The following TACC1 variants were observed in gnomAD, a reference collection of about 807,000 sequenced individuals.
TACC1 encodes the protein transforming acidic coiled-coil-containing protein 1.
In TACC1, 48 loss-of-function variants were observed where a neutral mutation model predicts 84.4. That is an observed-to-expected ratio of 0.57 (90% CI 0.45 to 0.72). TACC1 has a LOEUF of 0.72. Among genes scored for constraint, TACC1 ranks in the 30% least tolerant of loss-of-function variants. TACC1 has a pLI of 0.00. For synonymous variants in TACC1, 372 were observed against 376.3 expected, an observed-to-expected ratio of 0.99 and a Z score of 0.13; for missense variants, 920 against 973.0, an observed-to-expected ratio of 0.95 and a Z score of 0.72.
intron 3 of TACC1, chr8:38,824,098 C>T (rs1827501575): frequency 8.7e-7 from 1 of 1,145,808 alleles, no homozygotes; most frequent in Non-Finnish European, 1.2e-6. Flanking sequence ...CCAGCCATCT[C>T]TCCATAGCAT....
At chr8:38,803,682 T>G (rs942065661) in intron 2 of TACC1, among the ~76,000 whole-genome samples, 4 of 152,198 alleles carry the variant, frequency 2.6e-5, no homozygotes, top group African/African-American at 9.6e-5. Flanking sequence ...TGTTGAGGAT[T>G]TTTGCATCTA....
intron 3 of TACC1, chr8:38,823,886 A>G: frequency 1.3e-6 from 1 of 783,562 alleles, no homozygotes; most frequent in South Asian, 1.3e-5. Context: ...AGAATTGTGC[A>G]GCTTTTACAT....
intron 11 of TACC1, among the ~76,000 whole-genome samples, chr8:38,845,387 A>C (rs528226797): frequency 6.6e-6 from 1 of 152,268 alleles, no homozygotes; most frequent in South Asian, 2.1e-4. Flanking sequence ...ATGCCTCTAT[A>C]TATTATACGT....
chr8:38,742,481 CTG>C, intron 2 of TACC1: 1 of 1,486,516 alleles, frequency 6.7e-7, no homozygotes, highest in Non-Finnish European at 9.0e-7. Flanking sequence ...TTGAATATAC[CTG>C]GGATGGATTT....
At chr8:38,743,759 T>C (rs1202604204) in intron 2 of TACC1, among the ~76,000 whole-genome samples, 3 of 152,188 alleles carry the variant, frequency 2.0e-5, no homozygotes, top group Non-Finnish European at 4.4e-5. Flanking sequence ...TAATGGCTCA[T>C]GCCTGTAGTC....
rs149740185 is a variant in TACC1, at chr8:38,811,671, C to T, written c.278-7851C>T. Among the ~76,000 whole-genome samples the T allele has an allele frequency of 1.7e-3, 256 of 152,238 alleles. 1 individual carries two copies. Among genetic ancestry groups the T allele is most frequent in the African/African-American group, 5.9e-3 (247 of 41,550 alleles). ...TTTAATCTCTTAATCCTGTTATCTT[C>T]GTAAGCTGAGGATGTATATCACGTC... On this transcript the variant is annotated intron_variant, in intron 2 of 12. Transcript: ENST00000317827.
At chr8:38,834,621 C>T (rs552451646) in intron 6 of TACC1, among the ~76,000 whole-genome samples, 22 of 152,292 alleles carry the variant, frequency 1.4e-4, no homozygotes, top group African/African-American at 4.6e-4. Context: ...GGAACATGGG[C>T]ACTGCCAGCT....
intron 3 of TACC1, among the ~76,000 whole-genome samples, chr8:38,759,989 T>C (rs1810894157): frequency 1.3e-5 from 2 of 152,106 alleles, no homozygotes; most frequent in African/African-American, 4.8e-5. Flanking sequence ...TCAAGGAAGT[T>C]CTCCTACTGA....
At chr8:38,831,491 AT>A (rs887954272) in intron 6 of TACC1, among the ~76,000 whole-genome samples, 2 of 151,994 alleles carry the variant, frequency 1.3e-5, no homozygotes, top group African/African-American at 4.8e-5. Flanking sequence ...TATCATTATT[AT>A]TGTTGTTATT....
chr8:38,829,223 A>C (rs186543364), intron 5 of TACC1, among the ~76,000 whole-genome samples: 16 of 152,332 alleles, frequency 1.1e-4, no homozygotes, highest in Admixed American at 7.2e-4. Context: ...ATCTGCCATT[A>C]AGCCAGGGAA....
rs549248566 is a variant in TACC1, at chr8:38,842,798, A to G, written c.2121+351A>G. Among the ~76,000 whole-genome samples the G allele has an allele frequency of 2.6e-4, 40 of 152,328 alleles. No homozygotes were observed. In the South Asian group the frequency reaches 7.9e-3, roughly 30 times the overall value. Reference sequence around the variant, plus strand: ...TCTGGTAATTCACCTTTTCAGTTTTAGTAAAAGGGATTAGAAGGAATTCCA... The same window carrying G: ...TCTGGTAATTCACCTTTTCAGTTTTGGTAAAAGGGATTAGAAGGAATTCCA... On this transcript the variant is annotated intron_variant, in intron 10 of 12. Coordinates refer to ENST00000317827, the MANE Select transcript of TACC1 (RefSeq NM_006283.3).
At position 38,819,708 on chromosome 8, in the gene TACC1, A is replaced by G. The variant is rs1563759698; in HGVS notation, c.464A>G (p.Glu155Gly). 1 of 1,614,186 alleles carries G rather than the reference A, an allele frequency of 6.2e-7. No individual in the cohort carries two copies. The highest frequency in any genetic ancestry group is 2.2e-5 in the East Asian group (1 of 44,880). ...KISIVRPFSI[E>G]TKDSTDISAV... ...TCCATCGTGAGGCCATTTTCAATAG[A>G]AACGAAGGATTCCACGGATATCTCG... is the stretch of plus-strand genomic sequence containing the variant. The change falls in exon 3 of 13, where the codon GAA (glutamate) becomes GGA (glycine). Residue 155 changes from glutamate (E) to glycine (G), a missense_variant. This residue lies in a region of TACC1 where 762 missense variants were observed against 747.3 expected (regional missense o/e 1.02). Coordinates refer to ENST00000317827, the MANE Select transcript of TACC1 (RefSeq NM_006283.3).
chr8:38,828,474 CT>C (rs1301186495), intron 5 of TACC1, among the ~76,000 whole-genome samples: 1 of 152,158 alleles, frequency 6.6e-6, no homozygotes, highest in East Asian at 1.9e-4. Context: ...GAAAACTGTA[CT>C]TTTATAGATA....
intron 2 of TACC1, among the ~76,000 whole-genome samples, chr8:38,804,493 G>A (rs949345349): frequency 3.9e-5 from 6 of 152,116 alleles, no homozygotes; most frequent in African/African-American, 1.4e-4. Flanking sequence ...TAGAGATGGG[G>A]TTTTGCCATG....
In TACC1 at chr8:38,848,398, A is replaced by G. The variant is rs917367754; in HGVS notation, c.*375A>G. 1 of 163,884 alleles carries G rather than the reference A, an allele frequency of 6.1e-6. No individual in the cohort carries two copies. Among genetic ancestry groups the G allele is most frequent in the African/African-American group, 2.4e-5 (1 of 41,840 alleles). 10.2% of individuals were successfully genotyped at this position (163,884 alleles called of 1,614,324 possible). Reference sequence around the variant, plus strand: ...TGGGGTCTTCTCCACCACCTGTCTGATTTTTTTGTGATCTGTTTAATCTTT... The same window carrying G: ...TGGGGTCTTCTCCACCACCTGTCTGGTTTTTTTGTGATCTGTTTAATCTTT... On this transcript the variant is annotated 3_prime_UTR_variant, in exon 13 of 13. Transcript: ENST00000317827.
intron 8 of TACC1, chr8:38,839,597 A>G (rs1588128777): frequency 1.8e-5 from 5 of 276,950 alleles, no homozygotes; most frequent in South Asian, 3.4e-4. Flanking sequence ...TATGACGTCA[A>G]AAGTGATGGG....
At chr8:38,846,654 T>A (rs1588173094) in intron 11 of TACC1, 45 bp from the exon 12 acceptor site, 1 of 1,611,100 alleles carries the variant, frequency 6.2e-7, no homozygotes, top group Non-Finnish European at 8.5e-7. Context: ...TAGTGGCTAA[T>A]CATGTGCTTT....
chr8:38,840,519 A>G, intron 9 of TACC1: 1 of 311,974 alleles, frequency 3.2e-6, no homozygotes, highest in South Asian at 6.2e-5. Context: ...TCACCTCCCA[A>G]ATTCCCTTCC....
intron 3 of TACC1, among the ~76,000 whole-genome samples, chr8:38,762,563 G>GT (rs1349678486): frequency 3.4e-4 from 50 of 146,344 alleles, no homozygotes; most frequent in East Asian, 1.8e-3. Flanking sequence ...TTTTTTTTTT[G>GT]TTTTTTTTGG....
Sources: gnomAD v4.1 joint callset for allele counts (sites outside exome capture counted in the v4.1 genomes callset) on GRCh38, gnomAD v4.1.1 for gene constraint, gnomAD v4.1.1 regional missense constraint, MANE v1.5 for transcripts, NCBI Gene and HGNC (gene_info 2026-07-23, HGNC 2026-07-21) for gene names.